Variants in RNF150 observed in about 807,000 individuals in gnomAD.
RNF150 encodes the protein ring finger protein 150.
Under a neutral mutation model 39.3 loss-of-function variants are expected in RNF150, and 24 were observed. That is an observed-to-expected ratio of 0.61 (90% CI 0.44 to 0.86). RNF150 has a LOEUF of 0.86. Ranked by LOEUF, RNF150 falls within the 40% of genes least tolerant of loss-of-function variation. The pLI is 0.00. For missense variants in RNF150, 502 were observed against 587.8 expected, an observed-to-expected ratio of 0.85 and a Z score of 1.51; for synonymous variants, 255 against 227.3, an observed-to-expected ratio of 1.12 and a Z score of -1.10.
At chr4:141,125,623 A>G (rs1726727354) in intron 1 of RNF150, among the ~76,000 whole-genome samples, 1 of 152,214 alleles carries the variant, frequency 6.6e-6, no homozygotes, top group African/African-American at 2.4e-5. Flanking sequence ...GTTAAGCAAC[A>G]ATAACGGTTA....
At chr4:140,899,972 CTCTGTGTGTGTGTGTGTG>C (rs754535435) in intron 6 of RNF150, among the ~76,000 whole-genome samples, 53 of 69,860 alleles carry the variant, frequency 7.6e-4, no homozygotes, top group South Asian at 1.3e-3. Flanking sequence ...CTCTCTCTCT[CTCTGTGTGTGTGTGTGTG>C]TGTGTGTGTG....
intron 1 of RNF150, among the ~76,000 whole-genome samples, chr4:141,158,956 C>A (rs190706239): frequency 3.2e-4 from 48 of 152,252 alleles, no homozygotes; most frequent in African/African-American, 8.9e-4. Context: ...AATGGCAGTT[C>A]CCAACTTGGT....
At chr4:141,097,856 G>T (rs747262709) in intron 1 of RNF150, among the ~76,000 whole-genome samples, 2 of 151,718 alleles carry the variant, frequency 1.3e-5, no homozygotes, top group African/African-American at 4.8e-5. Flanking sequence ...TATATGGCAC[G>T]CAAACATTTT....
chr4:141,185,835 T>C (rs1235253651), intron 1 of RNF150, among the ~76,000 whole-genome samples: 1 of 152,060 alleles, frequency 6.6e-6, no homozygotes, highest in Non-Finnish European at 1.5e-5. Flanking sequence ...ATTATGTTTA[T>C]TGATTTGCCA....
chr4:141,094,325 C>T (rs998552745), intron 1 of RNF150, among the ~76,000 whole-genome samples: 5 of 152,314 alleles, frequency 3.3e-5, no homozygotes, highest in African/African-American at 7.2e-5. Flanking sequence ...AAAAATCGTA[C>T]TTCTACCAAG....
chr4:140,930,268 G>A (rs1048693475), intron 4 of RNF150, among the ~76,000 whole-genome samples: 2 of 152,192 alleles, frequency 1.3e-5, no homozygotes, highest in Admixed American at 1.3e-4. Flanking sequence ...CGGCTTATAG[G>A]CCTGTCCTGA....
intron 6 of RNF150, among the ~76,000 whole-genome samples, chr4:140,895,085 A>C (rs1037463125): frequency 1.4e-4 from 22 of 152,102 alleles, no homozygotes; most frequent in African/African-American, 4.1e-4. Context: ...AACCCACTAG[A>C]GACTAAGTCC....
At chr4:141,153,970 TG>T in intron 1 of RNF150, among the ~76,000 whole-genome samples, 1 of 152,358 alleles carries the variant, frequency 6.6e-6, no homozygotes, top group East Asian at 1.9e-4. Flanking sequence ...TTGTCTGCTT[TG>T]GGACAAATTT....
chr4:141,070,589 G>C (rs377060333), intron 1 of RNF150, among the ~76,000 whole-genome samples: 6 of 150,920 alleles, frequency 4.0e-5, no homozygotes, highest in African/African-American at 9.7e-5. Flanking sequence ...ACAGACACTT[G>C]TCAAAAGAAG....
rs185995869 is a variant in RNF150 at position 140,917,909 on chromosome 4, A to G, written c.988-6555T>C. ...AACTCACTCAAAACCGCTCCACTACATGGAAACTGAACAACCTGCTCCTGA... is the reference window on the plus strand; with the variant it reads ...AACTCACTCAAAACCGCTCCACTACGTGGAAACTGAACAACCTGCTCCTGA... On this transcript the variant is annotated intron_variant, in intron 5 of 6. Coordinates refer to ENST00000515673, the MANE Select transcript of RNF150 (RefSeq NM_020724.2). 1.1e-3 allele frequency among the ~76,000 whole-genome samples: 170 copies of G among 152,152 alleles called. 1 individual carries two copies. The highest frequency in any genetic ancestry group is 3.8e-3 in the African/African-American group (156 of 41,496).
intron 6 of RNF150, among the ~76,000 whole-genome samples, chr4:140,872,797 A>G (rs1729000553): frequency 6.6e-6 from 1 of 152,230 alleles, no homozygotes; most frequent in Admixed American, 6.5e-5. Flanking sequence ...TCAGGTTTGC[A>G]TATGCTATGT....
intron 1 of RNF150, among the ~76,000 whole-genome samples, chr4:141,101,636 T>C (rs1739014340): frequency 6.6e-6 from 1 of 152,212 alleles, no homozygotes; most frequent in South Asian, 2.1e-4. Flanking sequence ...TAATTGTATG[T>C]GCTACACTTT....
intron 1 of RNF150, among the ~76,000 whole-genome samples, chr4:141,198,656 G>T (rs1728243539): frequency 6.6e-6 from 1 of 152,168 alleles, no homozygotes; most frequent in African/African-American, 2.4e-5. Flanking sequence ...GGAAGGTTTT[G>T]GGGTTAGAAA....
chr4:140,986,305 A>G (rs372640406), intron 1 of RNF150, among the ~76,000 whole-genome samples: 2 of 152,088 alleles, frequency 1.3e-5, no homozygotes, highest in East Asian at 3.9e-4. Flanking sequence ...ATCTACTCTG[A>G]TATCATTTAC....
At chr4:140,916,552 A>G (rs1730838531) in intron 5 of RNF150, among the ~76,000 whole-genome samples, 5 of 152,242 alleles carry the variant, frequency 3.3e-5, no homozygotes, top group Admixed American at 3.3e-4. Context: ...TGAAAAGACC[A>G]AATCTACGTC....
At chr4:140,977,606 T>A (rs997924472) in intron 1 of RNF150, among the ~76,000 whole-genome samples, 1 of 152,132 alleles carries the variant, frequency 6.6e-6, no homozygotes, top group Admixed American at 6.6e-5. Flanking sequence ...CCATATTATA[T>A]AACCAGGTAG....
chr4:141,126,190 T>C (rs1726751006), intron 1 of RNF150, among the ~76,000 whole-genome samples: 1 of 152,122 alleles, frequency 6.6e-6, no homozygotes, highest in East Asian at 1.9e-4. Context: ...CCAGACTGCA[T>C]GTATCTTGTG....
intron 5 of RNF150, 94 bp downstream of exon 5, chr4:140,925,883 G>A (rs934382943): frequency 2.4e-6 from 2 of 841,050 alleles, no homozygotes; most frequent in Non-Finnish European, 4.0e-6. Flanking sequence ...GTGACTGAGG[G>A]GACACAGAAC....
chr4:141,058,517 T>G lies in RNF150; in HGVS notation c.484+73808A>C, dbSNP rs555755569. Among the ~76,000 whole-genome samples the G allele has an allele frequency of 7.9e-5, 12 of 152,296 alleles. No individual in the cohort carries two copies. In the East Asian group the frequency reaches 1.5e-3, roughly 20 times the overall value. ...CACTGAAATCATGTTTAGTAACAGT[T>G]GCCGAATATTCCACCTTCATGTAGT... On this transcript the variant is annotated intron_variant, in intron 1 of 6. Transcript: ENST00000515673.
Sources: allele counts gnomAD v4.1 joint callset (sites outside exome capture counted in the v4.1 genomes callset), GRCh38; gene constraint gnomAD v4.1.1; transcripts MANE v1.5; gene names NCBI Gene and HGNC (gene_info 2026-07-23, HGNC 2026-07-21).